Variants in XKR4 observed in about 807,000 individuals in gnomAD.
The protein encoded by XKR4 is XK-related protein 4.
In XKR4, 12 loss-of-function variants were observed where a neutral mutation model predicts 53.9. That is an observed-to-expected ratio of 0.22 (90% CI 0.14 to 0.36). The LOEUF is 0.36. Ranked by LOEUF, XKR4 falls within the 10% of genes least tolerant of loss-of-function variation. XKR4 has a pLI of 1.00. For missense variants in XKR4, 799 were observed against 859.5 expected, an observed-to-expected ratio of 0.93 and a Z score of 0.88; for synonymous variants, 354 against 362.4, an observed-to-expected ratio of 0.98 and a Z score of 0.26.
chr8:55,480,303 CATG>C (rs1181302495), intron 2 of XKR4, among the ~76,000 whole-genome samples: 3 of 150,396 alleles, frequency 2.0e-5, no homozygotes, highest in Non-Finnish European at 4.4e-5. Context: ...ACAAAAACCA[CATG>C]ATTATCTCAA....
At position 55,438,505 on chromosome 8, in the gene XKR4, G is replaced by T. The variant is rs1189075253; in HGVS notation, c.1006+80628G>T. 3.4e-5 allele frequency among the ~76,000 whole-genome samples: 5 copies of T among 148,072 alleles called. No individual in the cohort carries two copies. The East Asian group carries it at 1.0e-3, about 30-fold the overall frequency. The stretch of plus-strand genomic sequence containing the variant: ...CTCAGGAGGCTGAGGAAGGAGAATT[G>T]CTTCAACCTGAGAGGTGGAGGTAGC... On this transcript the variant is annotated intron_variant, in intron 2 of 2. Coordinates refer to ENST00000327381, the MANE Select transcript of XKR4 (RefSeq NM_052898.2).
intron 1 of XKR4, chr8:55,161,792 CTG>C (rs1816990438): frequency 8.5e-6 from 3 of 354,736 alleles, no homozygotes; most frequent in Non-Finnish European, 1.7e-5. Flanking sequence ...GGTTACAAAA[CTG>C]TGCTTAGCAA....
At chr8:55,491,026 C>T (rs1806265115) in intron 2 of XKR4, among the ~76,000 whole-genome samples, 1 of 151,870 alleles carries the variant, frequency 6.6e-6, no homozygotes, top group Non-Finnish European at 1.5e-5. Flanking sequence ...TTTTTCCAGC[C>T]TTTTTCTCTC....
At chr8:55,321,462 G>T (rs16921607) in intron 1 of XKR4, among the ~76,000 whole-genome samples, 5,954 of 152,134 alleles carry the variant, frequency 0.039, 191 homozygotes, top group Non-Finnish European at 0.056. Context: ...TTCTCACGGA[G>T]GGTGTTACTG....
At chr8:55,167,584 T>C (rs1563473331) in intron 1 of XKR4, among the ~76,000 whole-genome samples, 1 of 152,218 alleles carries the variant, frequency 6.6e-6, no homozygotes. Flanking sequence ...GAATTTTTGT[T>C]GCATATGACC....
intron 2 of XKR4, among the ~76,000 whole-genome samples, chr8:55,501,410 C>T (rs2658935): frequency 0.39 from 59,657 of 151,896 alleles, 14,291 homozygotes; most frequent in African/African-American, 0.68. Flanking sequence ...AGAAATGTTT[C>T]GTCTTCCCAA....
chr8:55,535,298 C>T lies in XKR4; in HGVS notation c.*11071C>T, dbSNP rs1409508239. ...CGTGCAGGTTTGTTACATATGTATA[C>T]ATGTGCCATGTTGGTGTGCTGTACC... On this transcript the variant is annotated 3_prime_UTR_variant, in exon 3 of 3. Transcript: ENST00000327381. 1 of 151,412 alleles carries T rather than the reference C, an allele frequency of 6.6e-6. No homozygotes were observed. The highest frequency in any genetic ancestry group is 1.5e-5 in the Non-Finnish European group (1 of 67,954). 9.4% of individuals were successfully genotyped at this position (151,412 alleles called of 1,614,324 possible). A position where few individuals can be genotyped will look rare whatever the true frequency, so the allele number is the denominator to read the frequency against.
In XKR4 at chr8:55,523,776, C is replaced by G; in HGVS notation, c.1502C>G (p.Thr501Ser). ...ALCVVFSSFLTGVVFMLMYYA... is the reference protein window; with the variant it reads ...ALCVVFSSFLSGVVFMLMYYA... ...TGTGTGGTGTTCAGCAGCTTTTTAA[C>G]TGGCGTTGTTTTTATGCTGATGTAT... Residue 501 changes from threonine to serine, a missense_variant, in exon 3 of 3, where the codon ACT (threonine) becomes AGT (serine). Physicochemically the swap from Thr to Ser is moderately conservative, Grantham distance 58. Around this residue, in one of 3 missense-constraint regions of XKR4, gnomAD observed 269 missense variants for 264.4 expected, o/e 1.02. Coordinates refer to ENST00000327381, the MANE Select transcript of XKR4 (RefSeq NM_052898.2). 1.2e-6 allele frequency: 2 copies of G among 1,614,208 alleles called. No homozygotes were observed. The highest frequency in any genetic ancestry group is 1.7e-6 in the Non-Finnish European group (2 of 1,180,038).
chr8:55,507,689 TA>T (rs1806562747), intron 2 of XKR4, among the ~76,000 whole-genome samples: 1 of 152,178 alleles, frequency 6.6e-6, no homozygotes, highest in African/African-American at 2.4e-5. Flanking sequence ...CATCATTTTT[TA>T]TGGCTGCATA....
intron 1 of XKR4, among the ~76,000 whole-genome samples, chr8:55,244,920 A>C (rs1422203882): frequency 1.2e-5 from 1 of 83,974 alleles, no homozygotes; most frequent in Non-Finnish European, 2.3e-5. Context: ...TTTTTTTTTG[A>C]GATAGAGTCT....
intron 1 of XKR4, among the ~76,000 whole-genome samples, chr8:55,111,229 A>C (rs767010286): frequency 1.3e-5 from 2 of 152,190 alleles, no homozygotes; most frequent in Non-Finnish European, 2.9e-5. Flanking sequence ...CTGGAGCCTC[A>C]TAGACTAGAT....
At chr8:55,239,969 C>A (rs981640680) in intron 1 of XKR4, among the ~76,000 whole-genome samples, 2 of 152,214 alleles carry the variant, frequency 1.3e-5, no homozygotes, top group East Asian at 1.9e-4. Flanking sequence ...CCAGGCTGAA[C>A]TAAGTACCCT....
chr8:55,191,787 C>A (rs891588246), intron 1 of XKR4, among the ~76,000 whole-genome samples: 1 of 147,776 alleles, frequency 6.8e-6, no homozygotes, highest in East Asian at 2.0e-4. Context: ...CTATTACATT[C>A]TTGACAAAGA....
chr8:55,356,651 T>C (rs1364932119), intron 1 of XKR4, among the ~76,000 whole-genome samples: 2 of 152,202 alleles, frequency 1.3e-5, no homozygotes, highest in South Asian at 4.1e-4. Context: ...AAAATACTTA[T>C]AGATGAAATA....
At chr8:55,119,557 T>C (rs1171330058) in intron 1 of XKR4, among the ~76,000 whole-genome samples, 1 of 152,088 alleles carries the variant, frequency 6.6e-6, no homozygotes, top group Non-Finnish European at 1.5e-5. Flanking sequence ...GGCGCTCTCT[T>C]AAGGAATCCG....
intron 1 of XKR4, among the ~76,000 whole-genome samples, chr8:55,276,015 C>G (rs924597261): frequency 6.6e-6 from 1 of 152,216 alleles, no homozygotes; most frequent in African/African-American, 2.4e-5. Context: ...TACATATTAA[C>G]TCTTCCAAAT....
intron 2 of XKR4, among the ~76,000 whole-genome samples, chr8:55,516,235 T>G (rs376189844): frequency 6.6e-6 from 1 of 152,316 alleles, no homozygotes; most frequent in African/African-American, 2.4e-5. Flanking sequence ...ACTATAAAAT[T>G]TCTTGACTGC....
rs1806878350 is a variant in XKR4, at chr8:55,526,106, T to A, written c.*1879T>A. ...GCTGTCTTAAACTTCCTTCCCTGGT[T>A]TTATATTAACCCAACTGATAGATTA... is the stretch of plus-strand genomic sequence containing the variant. On this transcript the variant is annotated 3_prime_UTR_variant, in exon 3 of 3. Coordinates refer to ENST00000327381, the MANE Select transcript of XKR4 (RefSeq NM_052898.2). 6.6e-6 allele frequency: 1 copy of A among 152,628 alleles called. No individual in the cohort carries two copies. Among genetic ancestry groups the A allele is most frequent in the South Asian group, 2.1e-4 (1 of 4,824 alleles). 9.5% of individuals were successfully genotyped at this position (152,628 alleles called of 1,614,324 possible). A position where few individuals can be genotyped will look rare whatever the true frequency, so the allele number is the denominator to read the frequency against.
At chr8:55,320,226 C>T (rs1803185464) in intron 1 of XKR4, among the ~76,000 whole-genome samples, 1 of 152,198 alleles carries the variant, frequency 6.6e-6, no homozygotes, top group Admixed American at 6.5e-5. Flanking sequence ...ACAGTTGGTT[C>T]AAACAATGAG....
Sources: gnomAD v4.1 joint callset for allele counts (sites outside exome capture counted in the v4.1 genomes callset) on GRCh38, gnomAD v4.1.1 for gene constraint, gnomAD v4.1.1 regional missense constraint, MANE v1.5 for transcripts, NCBI Gene and HGNC (gene_info 2026-07-23, HGNC 2026-07-21) for gene names.